SNAP91: variants seen among roughly 807,000 people sequenced by gnomAD.
SNAP91 encodes clathrin coat assembly protein AP180.
Under a neutral mutation model 100.3 loss-of-function variants are expected in SNAP91, and 27 were observed. That is an observed-to-expected ratio of 0.27 (90% confidence interval 0.20 to 0.37). SNAP91 has a LOEUF of 0.37. Ranked by LOEUF, SNAP91 falls within the 10% of genes least tolerant of loss-of-function variation. SNAP91 has a pLI of 1.00. For synonymous variants in SNAP91, 404 were observed against 398.6 expected, an observed-to-expected ratio of 1.01 and a Z score of -0.16; for missense variants, 986 against 1,123.7, an observed-to-expected ratio of 0.88 and a Z score of 1.75.
intron 2 of SNAP91, among the ~76,000 whole-genome samples, chr6:83,682,845 A>T (rs1289168969): frequency 6.6e-6 from 1 of 150,936 alleles, no homozygotes; most frequent in Non-Finnish European, 1.5e-5. Flanking sequence ...AAAAGGAAAC[A>T]TAAGATCCCT....
intron 8 of SNAP91, among the ~76,000 whole-genome samples, chr6:83,625,641 TA>T (rs2096902732): frequency 6.6e-6 from 1 of 152,172 alleles, no homozygotes; most frequent in Non-Finnish European, 1.5e-5. Flanking sequence ...TTAGTGATGC[TA>T]AGCATTTTTT....
At chr6:83,580,878 C>T (rs902120897) in intron 23 of SNAP91, among the ~76,000 whole-genome samples, 1 of 152,194 alleles carries the variant, frequency 6.6e-6, no homozygotes, top group South Asian at 2.1e-4. Flanking sequence ...AGCTGCATGA[C>T]TCACTGGCTA....
At chr6:83,619,542 T>C (rs997163186) in intron 9 of SNAP91, among the ~76,000 whole-genome samples, 16 of 152,114 alleles carry the variant, frequency 1.1e-4, no homozygotes, top group South Asian at 2.1e-4. Flanking sequence ...TCAAAGTCAA[T>C]AGACCAATCA....
intron 8 of SNAP91, among the ~76,000 whole-genome samples, chr6:83,628,297 C>T (rs538537807): frequency 6.8e-6 from 1 of 147,340 alleles, no homozygotes; most frequent in South Asian, 2.2e-4. Flanking sequence ...GTTGGTTCCA[C>T]GATTTTGCAA....
intron 2 of SNAP91, among the ~76,000 whole-genome samples, chr6:83,705,228 C>G (rs574466854): frequency 2.0e-5 from 3 of 152,232 alleles, no homozygotes; most frequent in Admixed American, 6.5e-5. Context: ...AAACCACTAA[C>G]CAATACTCCT....
intron 26 of SNAP91, among the ~76,000 whole-genome samples, chr6:83,564,693 A>C (rs534624720): frequency 6.6e-6 from 1 of 152,194 alleles, no homozygotes; most frequent in African/African-American, 2.4e-5. Context: ...AATGATTCTG[A>C]GACAACTGAA....
chr6:83,660,876 T>C (rs903096678), intron 5 of SNAP91, among the ~76,000 whole-genome samples: 3 of 151,644 alleles, frequency 2.0e-5, no homozygotes, highest in Admixed American at 1.3e-4. Context: ...TCTCCTAGGA[T>C]CAAGCAATCC....
intron 8 of SNAP91, among the ~76,000 whole-genome samples, chr6:83,627,315 T>C (rs1191651621): frequency 6.6e-6 from 1 of 152,066 alleles, no homozygotes; most frequent in African/African-American, 2.4e-5. Context: ...GTTTTCTTTT[T>C]TTTGTTGTGC....
At chr6:83,658,443 A>G (rs1474372071) in intron 6 of SNAP91, among the ~76,000 whole-genome samples, 1 of 151,966 alleles carries the variant, frequency 6.6e-6, no homozygotes, top group Non-Finnish European at 1.5e-5. Context: ...TGCCATCTCT[A>G]CTGAAAATGC....
intron 2 of SNAP91, among the ~76,000 whole-genome samples, chr6:83,677,107 C>T (rs2098919777): frequency 6.6e-6 from 1 of 152,142 alleles, no homozygotes; most frequent in African/African-American, 2.4e-5. Flanking sequence ...TTTCTCTTTC[C>T]ACCCACTTCC....
At chr6:83,677,113 C>T (rs1367603779) in intron 2 of SNAP91, among the ~76,000 whole-genome samples, 1 of 152,216 alleles carries the variant, frequency 6.6e-6, no homozygotes, top group Admixed American at 6.5e-5. Flanking sequence ...TTTCCACCCA[C>T]TTCCACCTAG....
At chr6:83,608,936 T>C (rs1266133112) in intron 12 of SNAP91, among the ~76,000 whole-genome samples, 1 of 152,126 alleles carries the variant, frequency 6.6e-6, no homozygotes, top group African/African-American at 2.4e-5. Context: ...ATACAAAACA[T>C]GATCAATGGA....
At chr6:83,593,817 A>G in intron 17 of SNAP91, 76 bp from the exon 18 acceptor site, 1 of 1,504,520 alleles carries the variant, frequency 6.6e-7, no homozygotes, top group Non-Finnish European at 8.8e-7. Flanking sequence ...AACTATGGCA[A>G]GAGACACCTT....
intron 24 of SNAP91, among the ~76,000 whole-genome samples, chr6:83,579,431 A>T (rs976542472): frequency 6.6e-6 from 1 of 152,212 alleles, no homozygotes; most frequent in African/African-American, 2.4e-5. Context: ...AAGTATTTTC[A>T]TGGTTGCTCA....
At chr6:83,595,378 T>C (rs955114106) in intron 16 of SNAP91, among the ~76,000 whole-genome samples, 1 of 152,218 alleles carries the variant, frequency 6.6e-6, no homozygotes, top group Non-Finnish European at 1.5e-5. Context: ...ATAAGTGTAT[T>C]ATTATTTATA....
At chr6:83,587,507 A>T (rs1400483503) in intron 22 of SNAP91, among the ~76,000 whole-genome samples, 2 of 151,636 alleles carry the variant, frequency 1.3e-5, no homozygotes, top group East Asian at 1.9e-4. Flanking sequence ...TTTTTTTTTA[A>T]AAATCTTCTT....
chr6:83,604,039 T>A (rs1313822578), intron 14 of SNAP91, among the ~76,000 whole-genome samples: 2 of 152,212 alleles, frequency 1.3e-5, no homozygotes, highest in African/African-American at 4.8e-5. Context: ...TCACCTTTTA[T>A]TTTTTCCTTT....
chr6:83,623,195 C>T (rs982784903), intron 9 of SNAP91, 106 bp downstream of exon 9: 28 of 847,422 alleles, frequency 3.3e-5, no homozygotes, highest in Admixed American at 9.7e-5. Context: ...GTTGGTTGGC[C>T]TAAGTTCAAA....
chr6:83,683,734 A>C (rs938143872), intron 2 of SNAP91, among the ~76,000 whole-genome samples: 1 of 152,226 alleles, frequency 6.6e-6, no homozygotes, highest in African/African-American at 2.4e-5. Flanking sequence ...TACTTCTAGT[A>C]GACCTGGATA....
Sources: allele counts gnomAD v4.1 joint callset (sites outside exome capture counted in the v4.1 genomes callset), GRCh38; gene constraint gnomAD v4.1.1; transcripts MANE v1.5; gene names NCBI Gene and HGNC (gene_info 2026-07-23, HGNC 2026-07-21).